The following SLC4A5 variants were observed in gnomAD, a reference collection of about 807,000 sequenced individuals.
SLC4A5 encodes the protein solute carrier family 4 member 5, also known as electrogenic sodium bicarbonate cotransporter 4.
In SLC4A5, 96 loss-of-function variants were observed where a neutral mutation model predicts 120.4. The ratio of observed to expected loss-of-function variants is 0.80; its 90% CI spans 0.68 to 0.94. The LOEUF is 0.94. Ranked by LOEUF, SLC4A5 falls within the 40% of genes least tolerant of loss-of-function variation. The pLI is 0.00. For missense variants in SLC4A5, 1,259 were observed against 1,459.5 expected, an observed-to-expected ratio of 0.86 and a Z score of 2.24; for synonymous variants, 550 against 571.1, an observed-to-expected ratio of 0.96 and a Z score of 0.53.
At chr2:74,240,043 A>T (rs1028207282) in intron 20 of SLC4A5, among the ~76,000 whole-genome samples, 33 of 146,476 alleles carry the variant, frequency 2.3e-4, no homozygotes, top group Non-Finnish European at 3.1e-4. Context: ...ATATAAATTT[A>T]TATATATATA....
chr2:74,254,072 G>A (rs1200103253), intron 14 of SLC4A5, among the ~76,000 whole-genome samples: 1 of 152,166 alleles, frequency 6.6e-6, no homozygotes, highest in Non-Finnish European at 1.5e-5. Context: ...CGCAAGCACC[G>A]CCAGTGAGTA....
chr2:74,236,813 A>C (rs1399446170), intron 21 of SLC4A5, among the ~76,000 whole-genome samples: 1 of 152,146 alleles, frequency 6.6e-6, no homozygotes, highest in African/African-American at 2.4e-5. Context: ...AGAGAGTGTC[A>C]GTTGCTCTCC....
chr2:74,258,836 T>C (rs1671048810), intron 12 of SLC4A5, among the ~76,000 whole-genome samples: 1 of 152,208 alleles, frequency 6.6e-6, no homozygotes, highest in Non-Finnish European at 1.5e-5. Flanking sequence ...TGACTTTGTT[T>C]TTGCCTTCCA....
intron 7 of SLC4A5, 68 bp downstream of exon 7, chr2:74,304,421 C>T: frequency 6.9e-7 from 1 of 1,456,424 alleles, no homozygotes; most frequent in South Asian, 1.4e-5. Flanking sequence ...ATCCCCCCTG[C>T]CCTGCTGGGT....
At chr2:74,225,388 G>C (rs550571306) in intron 27 of SLC4A5, among the ~76,000 whole-genome samples, 15 of 152,316 alleles carry the variant, frequency 9.8e-5, no homozygotes, top group Non-Finnish European at 1.8e-4. Context: ...CTGAGGTCAG[G>C]AGTTTAAGAC....
chr2:74,250,230 C>A, intron 17 of SLC4A5, 113 bp downstream of exon 17: 1 of 1,034,682 alleles, frequency 9.7e-7, no homozygotes, highest in Non-Finnish European at 1.4e-6. Context: ...GTGATGGCCT[C>A]AACCTGGATG....
At chr2:74,342,994 CCT>C (rs1191768998) in intron 1 of SLC4A5, among the ~76,000 whole-genome samples, 1 of 152,044 alleles carries the variant, frequency 6.6e-6, no homozygotes, top group Non-Finnish European at 1.5e-5. Flanking sequence ...GGTCTCAGCC[CCT>C]GACTTTAGAA....
chr2:74,315,205 T>A (rs1672927750), intron 5 of SLC4A5, among the ~76,000 whole-genome samples, 180 bp from the exon 6 acceptor site: 1 of 152,066 alleles, frequency 6.6e-6, no homozygotes, highest in African/African-American at 2.4e-5. Context: ...TTTGGGAGGC[T>A]GAGGCGGGTG....
chr2:74,224,919 ATGT>A (rs746339850), exon 28 of SLC4A5: 19 of 1,611,190 alleles, frequency 1.2e-5, no homozygotes, highest in Non-Finnish European at 1.6e-5. Context: ...CTCTGGGAGG[ATGT>A]TGTCAATCCA....
intron 30 of SLC4A5, 32 bp from the exon 31 acceptor site, chr2:74,218,824 A>G (rs1694521468): frequency 6.5e-6 from 1 of 152,692 alleles, no homozygotes; most frequent in African/African-American, 2.4e-5. Context: ...AGGATTACGT[A>G]GTTCTTGGTG....
intron 20 of SLC4A5, among the ~76,000 whole-genome samples, chr2:74,241,119 A>G (rs6731545): frequency 0.64 from 97,544 of 151,736 alleles, 32,822 homozygotes; most frequent in African/African-American, 0.85. Context: ...TGGCACTGCT[A>G]GAAATTGGGG....
intron 19 of SLC4A5, 24 bp downstream of exon 19, chr2:74,247,012 G>A (rs372832041): frequency 1.4e-5 from 22 of 1,609,790 alleles, no homozygotes; most frequent in African/African-American, 4.0e-5. Context: ...GAGGGCCCAC[G>A]GCATGTCTGG....
chr2:74,310,806 G>C (rs907776167), intron 6 of SLC4A5, among the ~76,000 whole-genome samples: 12 of 152,088 alleles, frequency 7.9e-5, no homozygotes, highest in African/African-American at 2.9e-4. Context: ...GGATAATGCT[G>C]ACTTCATGGG....
intron 3 of SLC4A5, among the ~76,000 whole-genome samples, chr2:74,335,800 G>A (rs1474027297): frequency 2.0e-5 from 3 of 152,118 alleles, no homozygotes; most frequent in African/African-American, 2.4e-5. Flanking sequence ...GAGGACACGT[G>A]GCAAAACTTT....
At position 74,254,893 on chromosome 2, in the gene SLC4A5, C is replaced by T. The variant is rs564735827; in HGVS notation, c.1026-187G>A. On this transcript the variant is annotated intron_variant, in intron 13 of 30. Transcript: ENST00000394019. The stretch of plus-strand genomic sequence containing the variant: ...GGAGTGCAGTGGCGCAATCTTGGCT[C>T]ACTGCAACCTCCACCTCCTAGGCTC... Among the ~76,000 whole-genome samples the T allele has an allele frequency of 3.3e-5, 5 of 151,402 alleles. No individual in the cohort carries two copies. The East Asian group carries it at 9.7e-4, about 29-fold the overall frequency.
At chr2:74,227,579 T>C in intron 26 of SLC4A5, 1 of 1,580,504 alleles carries the variant, frequency 6.3e-7, no homozygotes, top group Non-Finnish European at 8.7e-7. Flanking sequence ...AAAATGGGGA[T>C]CAGAGGACCT....
Position 74,241,982 on chromosome 2 carries a change from G to A in SLC4A5, c.2118+12C>T. On this transcript the variant is annotated intron_variant, in intron 20 of 30. Transcript: ENST00000394019. ...AGCACTCAAATGTCTAACATAAGAG[G>A]AAAGGACTTACCAGAGAAGCGTTGG... 6.2e-7 allele frequency: 1 copy of A among 1,600,362 alleles called. No individual in the cohort carries two copies. The highest frequency in any genetic ancestry group is 8.5e-7 in the Non-Finnish European group (1 of 1,171,092).
intron 4 of SLC4A5, among the ~76,000 whole-genome samples, chr2:74,331,098 C>G (rs371220469): frequency 2.3e-4 from 18 of 77,902 alleles, no homozygotes; most frequent in Middle Eastern, 0.012. Context: ...GTGATAGTGA[C>G]GTATAGATGG....
At chr2:74,288,402 TAAA>T (rs1672053105) in intron 7 of SLC4A5, among the ~76,000 whole-genome samples, 1 of 152,194 alleles carries the variant, frequency 6.6e-6, no homozygotes, top group Non-Finnish European at 1.5e-5. Context: ...AATAAGCTAA[TAAA>T]ATCAATCAAA....
Sources: gnomAD v4.1 joint callset for allele counts (sites outside exome capture counted in the v4.1 genomes callset) on GRCh38, gnomAD v4.1.1 for gene constraint, MANE v1.5 for transcripts, NCBI Gene and HGNC (gene_info 2026-07-23, HGNC 2026-07-21) for gene names.